The following PUM2 variants were observed in gnomAD, a reference collection of about 807,000 sequenced individuals.
The protein encoded by PUM2 is pumilio homolog 2.
A neutral mutation model predicts 124.5 loss-of-function variants in PUM2; 57 were observed. The observed-to-expected ratio is 0.46, with a 90% CI of 0.37 to 0.57. PUM2 has a LOEUF of 0.57. Among genes scored for constraint, PUM2 ranks in the 20% least tolerant of loss-of-function variants. The pLI is 0.00. For synonymous variants in PUM2, 460 were observed against 446.1 expected, an observed-to-expected ratio of 1.03 and a Z score of -0.39; for missense variants, 1,065 against 1,290.6, an observed-to-expected ratio of 0.83 and a Z score of 2.68.
At position 20,294,436 on chromosome 2, in the gene PUM2, A is replaced by T. The variant is rs762571094; in HGVS notation, c.1092T>A (p.Ala364=). 1.7e-5 allele frequency: 28 copies of T among 1,614,096 alleles called. No homozygotes were observed. Among genetic ancestry groups the T allele is most frequent in the Non-Finnish European group, 2.4e-5 (28 of 1,180,046 alleles). The change falls in exon 9 of 21, where the codon GCT becomes GCA. Residue 364 remains alanine, a synonymous_variant. Transcript: ENST00000361078. ...GCTGACTGGCTGTGTTATTTGCCGCAGCTGCAGCTTGCTGCTGAAATAAGT... is the reference window on the plus strand; with the variant it reads ...GCTGACTGGCTGTGTTATTTGCCGCTGCTGCAGCTTGCTGCTGAAATAAGT... ...PANLFQQQAA[A]AANNTASQQA... is the part of the protein sequence containing the mutation.
At chr2:20,348,166 T>TTAATAA (rs563552054) in intron 1 of PUM2, among the ~76,000 whole-genome samples, 31 of 150,104 alleles carry the variant, frequency 2.1e-4, no homozygotes, top group African/African-American at 7.4e-4. Context: ...ATATTAAAAA[T>TTAATAA]TAATAATAAT....
intron 7 of PUM2, 85 bp downstream of exon 7, chr2:20,307,893 A>G (rs112884221): frequency 1.3e-6 from 2 of 1,511,652 alleles, no homozygotes; most frequent in Non-Finnish European, 1.8e-6. Context: ...AAGTAACAAA[A>G]CCTCACCAAT....
chr2:20,289,319 A>G (rs182555964), intron 10 of PUM2, among the ~76,000 whole-genome samples: 12 of 152,292 alleles, frequency 7.9e-5, no homozygotes, highest in Admixed American at 2.6e-4. Flanking sequence ...GTTGTACTCC[A>G]TAACTCCTCT....
chr2:20,330,095 AT>A (rs1684588399), intron 1 of PUM2, among the ~76,000 whole-genome samples: 1 of 152,156 alleles, frequency 6.6e-6, no homozygotes, highest in South Asian at 2.1e-4. Flanking sequence ...AAAAAACAAC[AT>A]ATTACATAAA....
At chr2:20,288,804 T>C (rs1276393392) in intron 10 of PUM2, among the ~76,000 whole-genome samples, 3 of 152,216 alleles carry the variant, frequency 2.0e-5, no homozygotes, top group African/African-American at 7.2e-5. Flanking sequence ...TTCATCATCA[T>C]AGTCTGGGCA....
chr2:20,303,435 G>GTT (rs11444507), intron 7 of PUM2, among the ~76,000 whole-genome samples: 3,764 of 129,676 alleles, frequency 0.029, 64 homozygotes, highest in Middle Eastern at 0.048. Flanking sequence ...AAGCTTTCAA[G>GTT]TTTTTTTTTT....
chr2:20,327,217 T>C lies in PUM2; in HGVS notation c.51+93A>G, dbSNP rs1048187616. The C allele has an allele frequency of 1.5e-5, 13 of 840,598 alleles. No homozygotes were observed. In the African/African-American group the frequency reaches 2.1e-4, roughly 13 times the overall value. The allele number at this position is 840,598 out of a possible 1,614,324, so 52.1% of individuals were successfully genotyped here. The stretch of plus-strand genomic sequence containing the variant: ...TATAGTTTGGAAGATATGACCACTA[T>C]TTCCAGGAAGGGAGATGGTTAAAAA... On this transcript the variant is annotated intron_variant, in intron 2 of 20. Coordinates refer to ENST00000361078, the MANE Select transcript of PUM2 (RefSeq NM_015317.5).
chr2:20,334,395 G>A (rs1207189980), intron 1 of PUM2, among the ~76,000 whole-genome samples: 7 of 152,042 alleles, frequency 4.6e-5, no homozygotes, highest in African/African-American at 1.7e-4. Context: ...TTAAAAACAG[G>A]GTGGGGAAAG....
In PUM2 at chr2:20,251,329, C is replaced by T. The variant is rs1166580224; in HGVS notation, c.*256G>A. On this transcript the variant is annotated 3_prime_UTR_variant, in exon 21 of 21. Coordinates refer to ENST00000361078, the MANE Select transcript of PUM2 (RefSeq NM_015317.5). ...ATTTTTGATACAGTTACATCATATA[C>T]AGGCATTCTGTGCTTTGCCAGCAAT... 2.3e-5 allele frequency: 7 copies of T among 310,976 alleles called. No individual in the cohort carries two copies. The highest frequency in any genetic ancestry group is 1.5e-4 in the African/African-American group (7 of 46,396). 19.3% of individuals were successfully genotyped at this position (310,976 alleles called of 1,614,324 possible).
chr2:20,258,005 ACACT>A (rs979470345), intron 16 of PUM2, among the ~76,000 whole-genome samples: 10 of 152,218 alleles, frequency 6.6e-5, no homozygotes, highest in African/African-American at 2.4e-4. Context: ...AGTAATAAAA[ACACT>A]CATCATTTAA....
chr2:20,252,341 G>A (rs1663619736), intron 20 of PUM2, among the ~76,000 whole-genome samples: 1 of 152,140 alleles, frequency 6.6e-6, no homozygotes. Context: ...GAGCCAGGAA[G>A]TTGAGGCTAG....
intron 13 of PUM2, among the ~76,000 whole-genome samples, chr2:20,266,718 T>A (rs950753730): frequency 6.6e-6 from 1 of 152,158 alleles, no homozygotes; most frequent in African/African-American, 2.4e-5. Context: ...GAAACAGGCC[T>A]ATACCCTTTA....
intron 16 of PUM2, 93 bp from the exon 17 acceptor site, chr2:20,256,263 A>G (rs1664735838): frequency 8.5e-7 from 1 of 1,175,788 alleles, no homozygotes; most frequent in Non-Finnish European, 1.1e-6. Context: ...AATATTAAAA[A>G]TCTCAGTATA....
At chr2:20,345,038 G>C (rs1291280443) in intron 1 of PUM2, among the ~76,000 whole-genome samples, 1 of 145,906 alleles carries the variant, frequency 6.9e-6, no homozygotes, top group African/African-American at 2.5e-5. Context: ...CTTGTGGAAA[G>C]CTTTTCCTGT....
chr2:20,294,364 A>G lies in PUM2; in HGVS notation c.1152+12T>C. 6.2e-7 allele frequency: 1 copy of G among 1,612,606 alleles called. No individual in the cohort carries two copies. Among genetic ancestry groups the G allele is most frequent in the Non-Finnish European group, 8.5e-7 (1 of 1,179,458 alleles). ...AGAATACTTGGTATTACTTAATAGA[A>G]GGAAGGCCTACCTGTTGCTGTCCAG... is the stretch of plus-strand genomic sequence containing the variant. On this transcript the variant is annotated intron_variant, in intron 9 of 20. Coordinates refer to ENST00000361078, the MANE Select transcript of PUM2 (RefSeq NM_015317.5).
chr2:20,263,809 G>C (rs1666882616), intron 13 of PUM2, among the ~76,000 whole-genome samples: 1 of 152,054 alleles, frequency 6.6e-6, no homozygotes, highest in Non-Finnish European at 1.5e-5. Context: ...AGTTTAAATT[G>C]CTAGCAAACT....
chr2:20,257,011 T>C (rs1664935624), intron 16 of PUM2, among the ~76,000 whole-genome samples: 1 of 119,050 alleles, frequency 8.4e-6, no homozygotes, highest in Non-Finnish European at 1.6e-5. Context: ...GCCACTGCAC[T>C]CCAGCCTGGG....
Position 20,305,913 on chromosome 2 carries a change from C to G in PUM2, c.883+2065G>C, listed in dbSNP as rs556212962. ...CTTGAACAAAAATAAAGACACATCA[C>G]ACCCTGGACAAGAATACTTGATGTC... On this transcript the variant is annotated intron_variant, in intron 7 of 20. Coordinates refer to ENST00000361078, the MANE Select transcript of PUM2 (RefSeq NM_015317.5). Among the ~76,000 whole-genome samples the G allele has an allele frequency of 1.5e-4, 23 of 152,276 alleles. No homozygotes were observed. In the South Asian group the frequency reaches 4.8e-3, roughly 32 times the overall value.
intron 20 of PUM2, among the ~76,000 whole-genome samples, chr2:20,252,916 T>G (rs1252714329): frequency 6.6e-6 from 1 of 152,250 alleles, no homozygotes; most frequent in Non-Finnish European, 1.5e-5. Context: ...TTACTTATCA[T>G]TACAGTATGA....
Sources: allele counts gnomAD v4.1 joint callset (sites outside exome capture counted in the v4.1 genomes callset), GRCh38; gene constraint gnomAD v4.1.1; transcripts MANE v1.5; gene names NCBI Gene and HGNC (gene_info 2026-07-23, HGNC 2026-07-21).